The following RAPGEF2 variants were observed in gnomAD, a reference collection of about 807,000 sequenced individuals.
RAPGEF2 encodes the protein PDZ domain containing guanine nucleotide exchange factor (GEF) 1.
In RAPGEF2, 54 loss-of-function variants were observed where a neutral mutation model predicts 186.7. That is an observed-to-expected ratio of 0.29 (90% CI 0.23 to 0.36). The LOEUF is 0.36. Among genes scored for constraint, RAPGEF2 ranks in the 10% least tolerant of loss-of-function variants. The pLI is 1.00. For synonymous variants in RAPGEF2, 712 were observed against 705.9 expected, an observed-to-expected ratio of 1.01 and a Z score of -0.14; for missense variants, 1,532 against 2,045.0, an observed-to-expected ratio of 0.75 and a Z score of 4.84.
chr4:159,290,680 C>T lies in RAPGEF2; in HGVS notation c.544-13662C>T, dbSNP rs2110953852. On this transcript the variant is annotated intron_variant, in intron 7 of 29. Transcript: ENST00000691494. The stretch of plus-strand genomic sequence containing the variant: ...AGCATTGGCAGAAGTGAGGGGGTCT[C>T]TTTTAGGTAATGTGTGCTTGACGAT... 2.0e-5 allele frequency among the ~76,000 whole-genome samples: 3 copies of T among 150,908 alleles called. 1 individual carries two copies. The Middle Eastern group carries it at 0.01, about 517-fold the overall frequency.
intron 11 of RAPGEF2, 182 bp from the exon 12 acceptor site, chr4:159,329,676 C>T: frequency 5.1e-6 from 2 of 394,438 alleles, no homozygotes; most frequent in Non-Finnish European, 8.9e-6. Context: ...TTTTCTTGAC[C>T]AAGGAAGAAA....
chr4:159,254,222 A>G (rs953700573), intron 7 of RAPGEF2, among the ~76,000 whole-genome samples: 10 of 152,232 alleles, frequency 6.6e-5, no homozygotes, highest in Admixed American at 5.9e-4. Flanking sequence ...AATATTGGTA[A>G]TAACAGTAGT....
intron 4 of RAPGEF2, among the ~76,000 whole-genome samples, chr4:159,213,421 T>C (rs1579481201): frequency 6.6e-6 from 1 of 152,346 alleles, no homozygotes; most frequent in South Asian, 2.1e-4. Flanking sequence ...ATATAATAAG[T>C]CAACCAAGCA....
At chr4:159,227,867 G>A (rs1752204299) in intron 4 of RAPGEF2, among the ~76,000 whole-genome samples, 1 of 152,058 alleles carries the variant, frequency 6.6e-6, no homozygotes, top group African/African-American at 2.4e-5. Flanking sequence ...AATCCCTCAG[G>A]CCAGGTATAC....
chr4:159,239,425 C>G (rs997951401), intron 5 of RAPGEF2, among the ~76,000 whole-genome samples: 1 of 152,052 alleles, frequency 6.6e-6, no homozygotes, highest in South Asian at 2.1e-4. Flanking sequence ...TTAAAAAACA[C>G]AAGAAAATCA....
chr4:159,274,908 T>C (rs561865851), intron 7 of RAPGEF2, among the ~76,000 whole-genome samples: 24 of 152,194 alleles, frequency 1.6e-4, no homozygotes, highest in Admixed American at 5.2e-4. Context: ...AGCTCACCAA[T>C]GGTCCCTGCC....
chr4:159,165,968 C>T (rs575297116), intron 1 of RAPGEF2, among the ~76,000 whole-genome samples: 108 of 152,108 alleles, frequency 7.1e-4, no homozygotes, highest in African/African-American at 2.6e-3. Flanking sequence ...AGTCATTGAA[C>T]AATGAAATAA....
intron 6 of RAPGEF2, among the ~76,000 whole-genome samples, chr4:159,242,167 G>A (rs1252589750): frequency 6.6e-6 from 1 of 151,274 alleles, no homozygotes; most frequent in East Asian, 1.9e-4. Context: ...TTATTCCTTT[G>A]TTTTTTCAAG....
At chr4:159,244,547 A>G (rs1318285448) in intron 7 of RAPGEF2, among the ~76,000 whole-genome samples, 1 of 151,926 alleles carries the variant, frequency 6.6e-6, no homozygotes, top group East Asian at 1.9e-4. Flanking sequence ...ATTTGGGGTT[A>G]TCCGGGAATT....
chr4:159,329,810 CT>C, intron 11 of RAPGEF2, 47 bp from the exon 12 acceptor site: 1 of 1,530,446 alleles, frequency 6.5e-7, no homozygotes, highest in Non-Finnish European at 8.9e-7. Context: ...ACTGCTAGGT[CT>C]TTTGCAAGCA....
intron 1 of RAPGEF2, among the ~76,000 whole-genome samples, chr4:159,106,373 G>A (rs1229538807): frequency 1.3e-5 from 2 of 151,926 alleles, no homozygotes; most frequent in African/African-American, 4.8e-5. Context: ...TGACTGGCCA[G>A]GAGTAATCTT....
chr4:159,167,804 T>C (rs1745486977), intron 1 of RAPGEF2, among the ~76,000 whole-genome samples: 1 of 152,180 alleles, frequency 6.6e-6, no homozygotes, highest in African/African-American at 2.4e-5. Flanking sequence ...TCAGTAAATT[T>C]AGGGGCAAAG....
chr4:159,147,341 A>G (rs1743054897), intron 1 of RAPGEF2, among the ~76,000 whole-genome samples: 1 of 152,188 alleles, frequency 6.6e-6, no homozygotes, highest in African/African-American at 2.4e-5. Context: ...TTTTCACTAG[A>G]AACTAAACAT....
intron 1 of RAPGEF2, among the ~76,000 whole-genome samples, chr4:159,106,404 C>A (rs2111046072): frequency 6.6e-6 from 1 of 151,452 alleles, no homozygotes; most frequent in South Asian, 2.1e-4. Flanking sequence ...GAAATTTACT[C>A]AAAAATTATA....
At chr4:159,345,561 A>C (rs1467939346) in intron 24 of RAPGEF2, among the ~76,000 whole-genome samples, 1 of 152,238 alleles carries the variant, frequency 6.6e-6, no homozygotes, top group Non-Finnish European at 1.5e-5. Flanking sequence ...TCCACATCTA[A>C]GGCAACCCAT....
intron 8 of RAPGEF2, among the ~76,000 whole-genome samples, chr4:159,310,528 G>C (rs1763835031): frequency 6.6e-6 from 1 of 151,998 alleles, no homozygotes; most frequent in Non-Finnish European, 1.5e-5. Context: ...TTTAAAAAAT[G>C]TAAAATAAAT....
chr4:159,315,038 A>C (rs866961031), intron 9 of RAPGEF2, among the ~76,000 whole-genome samples: 9 of 36,586 alleles, frequency 2.5e-4, no homozygotes, highest in Admixed American at 6.1e-4. Flanking sequence ...GTTTATGACA[A>C]AAAAAAAAAA....
intron 1 of RAPGEF2, among the ~76,000 whole-genome samples, chr4:159,142,992 T>C (rs993156110): frequency 6.6e-6 from 1 of 152,212 alleles, no homozygotes; most frequent in Non-Finnish European, 1.5e-5. Context: ...GAAAAACAAA[T>C]ATAATTTGTG....
chr4:159,296,056 G>A (rs1422251290), intron 7 of RAPGEF2, among the ~76,000 whole-genome samples: 3 of 152,234 alleles, frequency 2.0e-5, no homozygotes, highest in Non-Finnish European at 4.4e-5. Flanking sequence ...ATTTAATAAC[G>A]AGGCCTGAAT....
Sources: gnomAD v4.1 joint callset for allele counts (sites outside exome capture counted in the v4.1 genomes callset) on GRCh38, gnomAD v4.1.1 for gene constraint, MANE v1.5 for transcripts, NCBI Gene and HGNC (gene_info 2026-07-23, HGNC 2026-07-21) for gene names.